Variants in NRXN1 observed in about 807,000 individuals in gnomAD.
The protein encoded by NRXN1 is neurexin-1.
A neutral mutation model predicts 150.9 loss-of-function variants in NRXN1; 39 were observed. The observed-to-expected ratio is 0.26, with a 90% CI of 0.20 to 0.34. The LOEUF (loss-of-function observed/expected upper bound fraction) is 0.34. Ranked by LOEUF, NRXN1 falls within the 10% of genes least tolerant of loss-of-function variation. The probability of loss-of-function intolerance (pLI) is 1.00; values close to 1 mark genes in which losing one functional copy is unlikely to be tolerated. For missense variants in NRXN1, 1,815 were observed against 1,949.9 expected, an observed-to-expected ratio of 0.93 and a Z score of 1.30; for synonymous variants, 924 against 757.0, an observed-to-expected ratio of 1.22 and a Z score of -3.62.
In NRXN1 at chr2:50,346,560, A is replaced by C; in HGVS notation, c.3365-109590T>G. On this transcript the variant is annotated intron_variant, in intron 17 of 22. Coordinates refer to ENST00000401669, the MANE Select transcript of NRXN1 (RefSeq NM_001330078.2). This position sits in a 1 kb window ranked among gnomAD's most constrained non-coding sequence, Gnocchi z 5.0. The stretch of plus-strand genomic sequence containing the variant: ...TTCAAAGAGATAAGTGGCTCGCACC[A>C]AGCACACCCAAATGCACCTCCCTTT... The C allele has an allele frequency of 1.0e-6, 1 of 957,750 alleles. No individual in the cohort carries two copies. The highest frequency in any genetic ancestry group is 1.6e-6 in the Non-Finnish European group (1 of 617,340). 59.3% of individuals were successfully genotyped at this position (957,750 alleles called of 1,614,324 possible). A position where few individuals can be genotyped will look rare whatever the true frequency, so the allele number is the denominator to read the frequency against.
Position 50,247,027 on chromosome 2 carries a change from C to A in NRXN1, c.3365-10057G>T, listed in dbSNP as rs575068538. 4.6e-5 allele frequency among the ~76,000 whole-genome samples: 7 copies of A among 152,094 alleles called. No homozygotes were observed. In the East Asian group the frequency reaches 1.4e-3, roughly 29 times the overall value. On this transcript the variant is annotated intron_variant, in intron 17 of 22. Transcript: ENST00000401669. The stretch of plus-strand genomic sequence containing the variant: ...ATTCAATGATGAATACCATAAGACT[C>A]CTGATTCTGAAACAAGCATAGGAAA...
chr2:50,494,238 T>C (rs1286421036), intron 15 of NRXN1, among the ~76,000 whole-genome samples: 1 of 152,224 alleles, frequency 6.6e-6, no homozygotes, highest in African/African-American at 2.4e-5. Context: ...TGCTTTTTTT[T>C]TAGCCATTTT....
rs1688640864 is a variant in NRXN1, at chr2:50,028,097, A to G, written c.4128+25174T>C. ...AAAAAAAACTTTTGGCATATTTAGA[A>G]GTCACTTTGCTTCTCTTACTGTCAA... On this transcript the variant is annotated intron_variant, in intron 21 of 22. Coordinates refer to ENST00000401669, the MANE Select transcript of NRXN1 (RefSeq NM_001330078.2). Among the ~76,000 whole-genome samples the G allele has an allele frequency of 5.9e-5, 9 of 152,252 alleles. No homozygotes were observed. In the South Asian group the frequency reaches 1.9e-3, roughly 32 times the overall value.
At chr2:50,895,622 C>T (rs1324626676) in intron 5 of NRXN1, among the ~76,000 whole-genome samples, 1 of 143,280 alleles carries the variant, frequency 7.0e-6, no homozygotes, top group Non-Finnish European at 1.5e-5. Context: ...CTTTTGTTGT[C>T]CAGGCTGGAG....
chr2:50,780,951 T>C (rs545316320), intron 5 of NRXN1, among the ~76,000 whole-genome samples: 3 of 152,178 alleles, frequency 2.0e-5, no homozygotes, highest in South Asian at 2.1e-4. Context: ...CTTAGTGCCA[T>C]AGACTATAAA....
chr2:50,049,857 T>C (rs1262470929), intron 21 of NRXN1, among the ~76,000 whole-genome samples: 1 of 152,126 alleles, frequency 6.6e-6, no homozygotes, highest in African/African-American at 2.4e-5. Flanking sequence ...AAGAACTTTA[T>C]ACCACCAATA....
chr2:50,505,197 C>T (rs551138000), intron 13 of NRXN1, among the ~76,000 whole-genome samples: 69 of 152,134 alleles, frequency 4.5e-4, no homozygotes, highest in African/African-American at 1.5e-3. Flanking sequence ...AAGCAAGGGA[C>T]GGTAAGTCAA....
chr2:50,343,616 G>C (rs553893765), intron 17 of NRXN1, among the ~76,000 whole-genome samples: 170 of 152,306 alleles, frequency 1.1e-3, no homozygotes, highest in South Asian at 6.6e-3. Flanking sequence ...AACTGGGTCA[G>C]CTTGCACAAA....
intron 5 of NRXN1, among the ~76,000 whole-genome samples, chr2:50,912,728 T>C (rs908614745): frequency 6.7e-6 from 1 of 149,558 alleles, no homozygotes; most frequent in East Asian, 2.0e-4. Context: ...GGTTCTCCTA[T>C]GGGCTTTCTC....
At chr2:50,265,965 G>GTTATTATTATTA (rs757745541) in intron 17 of NRXN1, among the ~76,000 whole-genome samples, 18 of 132,370 alleles carry the variant, frequency 1.4e-4, no homozygotes, top group South Asian at 4.8e-4. Context: ...TTATTTCTTT[G>GTTATTATTATTA]TTATTATTAT....
intron 18 of NRXN1, among the ~76,000 whole-genome samples, chr2:50,115,597 C>T (rs1702948915): frequency 6.6e-6 from 1 of 151,846 alleles, no homozygotes; most frequent in East Asian, 1.9e-4. Context: ...CAGTCCTGTC[C>T]AACTGCACAG....
intron 5 of NRXN1, among the ~76,000 whole-genome samples, chr2:50,878,277 G>T (rs571423175): frequency 1.5e-4 from 23 of 152,036 alleles, no homozygotes; most frequent in Middle Eastern, 3.4e-3. Flanking sequence ...GAACCTGCAG[G>T]AACCCTCCTG....
intron 5 of NRXN1, among the ~76,000 whole-genome samples, chr2:50,855,892 A>G (rs1408496887): frequency 6.6e-6 from 1 of 152,066 alleles, no homozygotes; most frequent in Non-Finnish European, 1.5e-5. Context: ...AGTACGGTTA[A>G]ACAAATTAAT....
At chr2:50,719,534 T>A (rs1480149789) in intron 5 of NRXN1, among the ~76,000 whole-genome samples, 1 of 151,570 alleles carries the variant, frequency 6.6e-6, no homozygotes, top group African/African-American at 2.4e-5. Flanking sequence ...AAATTAGCCA[T>A]GCATGGTGGC....
intron 5 of NRXN1, among the ~76,000 whole-genome samples, chr2:50,666,082 A>T (rs992082581): frequency 6.6e-6 from 1 of 151,950 alleles, no homozygotes; most frequent in African/African-American, 2.4e-5. Flanking sequence ...GTAGGAGGCC[A>T]ACATTTATGT....
At chr2:50,569,523 G>A (rs1670350541) in intron 8 of NRXN1, among the ~76,000 whole-genome samples, 1 of 151,912 alleles carries the variant, frequency 6.6e-6, no homozygotes, top group African/African-American at 2.4e-5. Context: ...TATATTATAT[G>A]TAATATAAAC....
intron 5 of NRXN1, among the ~76,000 whole-genome samples, chr2:50,740,458 G>A (rs1699296722): frequency 6.6e-6 from 1 of 152,148 alleles, no homozygotes; most frequent in Admixed American, 6.6e-5. Flanking sequence ...TGCTGAAGAT[G>A]GCAGAGTGAA....
At chr2:50,573,868 G>A (rs1455292141) in intron 8 of NRXN1, among the ~76,000 whole-genome samples, 1 of 151,966 alleles carries the variant, frequency 6.6e-6, no homozygotes, top group Non-Finnish European at 1.5e-5. Context: ...ATGATTTAAA[G>A]TATACAAGAG....
At chr2:50,467,763 A>G (rs528170923) in intron 16 of NRXN1, among the ~76,000 whole-genome samples, 1 of 151,690 alleles carries the variant, frequency 6.6e-6, no homozygotes, top group South Asian at 2.1e-4. Flanking sequence ...GGAAACCTGA[A>G]GAGAGTAACA....
Sources: allele counts gnomAD v4.1 joint callset (sites outside exome capture counted in the v4.1 genomes callset), GRCh38; gene constraint gnomAD v4.1.1; non-coding constraint Gnocchi (gnomAD v3.1); transcripts MANE v1.5; gene names NCBI Gene and HGNC (gene_info 2026-07-23, HGNC 2026-07-21).